Variants in PEX1 observed in about 807,000 individuals in gnomAD.
PEX1 encodes peroxisomal ATPase PEX1.
Under a neutral mutation model 152.5 loss-of-function variants are expected in PEX1, and 97 were observed. The ratio of observed to expected loss-of-function variants is 0.64; its 90% CI spans 0.54 to 0.75. PEX1 has a LOEUF of 0.75. PEX1 is among the 30% of genes least tolerant of loss of function. The pLI, the probability that PEX1 is intolerant of heterozygous loss-of-function variation, is 0.00. For synonymous variants in PEX1, 485 were observed against 531.6 expected, an observed-to-expected ratio of 0.91 and a Z score of 1.21; for missense variants, 1,357 against 1,516.3, an observed-to-expected ratio of 0.89 and a Z score of 1.74.
chr7:92,493,288 T>C, intron 19 of PEX1, 159 bp from the exon 20 acceptor site: 1 of 471,128 alleles, frequency 2.1e-6, no homozygotes, highest in Non-Finnish European at 3.6e-6. Flanking sequence ...TTTATCTTCC[T>C]TGGAATTTTT....
rs1554376597 is a variant in PEX1, at chr7:92,522,101, C to T, written c.273+1G>A. Reference sequence around the variant, plus strand: ...AAGTTATTGCCATCACATGTGCTTACCTGTCCCCCATTTGAGAGTCCAAGT... The same window carrying T: ...AAGTTATTGCCATCACATGTGCTTATCTGTCCCCCATTTGAGAGTCCAAGT... On this transcript the variant is annotated splice_donor_variant, in intron 2 of 23. Coordinates refer to ENST00000248633, the MANE Select transcript of PEX1 (RefSeq NM_000466.3). LOFTEE classifies it high-confidence loss of function. 3 of 1,613,812 alleles carry T rather than the reference C, an allele frequency of 1.9e-6. No individual in the cohort carries two copies. Among genetic ancestry groups the T allele is most frequent in the South Asian group, 1.1e-5 (1 of 91,072 alleles).
intron 12 of PEX1, among the ~76,000 whole-genome samples, chr7:92,503,982 A>G (rs1459526729): frequency 2.0e-5 from 3 of 151,948 alleles, no homozygotes; most frequent in Admixed American, 2.0e-4. Flanking sequence ...CCAACATATC[A>G]TTACTTCCTG....
At chr7:92,498,068 G>GGA (rs1554369529) in intron 16 of PEX1, among the ~76,000 whole-genome samples, 6 of 51,030 alleles carry the variant, frequency 1.2e-4, no homozygotes, top group Admixed American at 2.1e-4. Flanking sequence ...CAGTCTCAGA[G>GGA]AAAAAAAAAA....
intron 16 of PEX1, among the ~76,000 whole-genome samples, chr7:92,497,248 A>G (rs1263180139): frequency 6.6e-6 from 1 of 152,226 alleles, no homozygotes; most frequent in Admixed American, 6.5e-5. Context: ...CCCTTGTGCC[A>G]GAAACAGTGT....
intron 2 of PEX1, 134 bp downstream of exon 2, chr7:92,521,968 A>G (rs775439299): frequency 3.6e-6 from 3 of 830,482 alleles, no homozygotes; most frequent in Middle Eastern, 4.6e-4. Context: ...TCAATATCCT[A>G]GACTAGTTAC....
intron 5 of PEX1, among the ~76,000 whole-genome samples, chr7:92,516,408 A>T (rs1020218211): frequency 1.3e-5 from 2 of 152,124 alleles, no homozygotes; most frequent in Non-Finnish European, 2.9e-5. Context: ...CTTGGGCAAG[A>T]AGAGTGAAAC....
chr7:92,517,486 T>G lies in PEX1; in HGVS notation c.1029A>C (p.Gln343His). 1 of 1,614,056 alleles carries G rather than the reference T, an allele frequency of 6.2e-7. No homozygotes were observed. The highest frequency in any genetic ancestry group is 1.1e-5 in the South Asian group (1 of 91,080). Residue 343 changes from glutamine to histidine, a missense_variant, in exon 5 of 24, where the codon CAA (glutamine) becomes CAC (histidine). Transcript: ENST00000248633. ...GKLVKLLSPKQQQSKTKQNVL... is the reference protein window; with the variant it reads ...GKLVKLLSPKHQQSKTKQNVL... ...CATTTTGTTTTGTTTTACTTTGCTG[T>G]TGCTTTGGAGAAAGTAGCTTAACTA... is the stretch of plus-strand genomic sequence containing the variant.
In PEX1 at chr7:92,517,569, G is replaced by C. The variant is rs1309259761; in HGVS notation, c.946C>G (p.Pro316Ala). ...FHKHCAIHVF[P>A]WDQEYFDVEP... Reference sequence around the variant, plus strand: ...ACATCAAAATATTCCTGGTCCCATGGAAATACATGAATGGCACAGTGTTTA... The same window carrying C: ...ACATCAAAATATTCCTGGTCCCATGCAAATACATGAATGGCACAGTGTTTA... The change falls in exon 5 of 24, where the codon CCA becomes GCA. Residue 316 changes from proline to alanine, a missense_variant. Coordinates refer to ENST00000248633, the MANE Select transcript of PEX1 (RefSeq NM_000466.3). 2 of 1,613,908 alleles carry C rather than the reference G, an allele frequency of 1.2e-6. No individual in the cohort carries two copies. The highest frequency in any genetic ancestry group is 1.7e-5 in the Admixed American group (1 of 59,986).
chr7:92,487,393 C>A lies in PEX1; in HGVS notation c.*64G>T. The A allele has an allele frequency of 1.2e-6, 1 of 832,534 alleles. No homozygotes were observed. The highest frequency in any genetic ancestry group is 2.0e-6 in the Non-Finnish European group (1 of 502,850). 51.6% of individuals were successfully genotyped at this position (832,534 alleles called of 1,614,324 possible). On this transcript the variant is annotated 3_prime_UTR_variant, in exon 24 of 24. Transcript: ENST00000248633. ...GAAATTCATAGACACCATTTTTTTC[C>A]TGTTACAACATATGGAAAAGCCATC...
chr7:92,527,369 T>C (rs1436833724), intron 1 of PEX1, among the ~76,000 whole-genome samples: 3 of 151,920 alleles, frequency 2.0e-5, no homozygotes, highest in Admixed American at 2.0e-4. Flanking sequence ...TCTCTAGCCA[T>C]AAAGCCCATC....
chr7:92,513,238 A>G (rs1233811830), intron 6 of PEX1, among the ~76,000 whole-genome samples: 1 of 152,242 alleles, frequency 6.6e-6, no homozygotes, highest in Non-Finnish European at 1.5e-5. Context: ...GAGGAACTCA[A>G]ACAGATACTT....
intron 22 of PEX1, 65 bp downstream of exon 22, chr7:92,489,649 T>C: frequency 1.4e-6 from 2 of 1,420,672 alleles, no homozygotes; most frequent in Non-Finnish European, 2.0e-6. Flanking sequence ...AAGAAATATA[T>C]ATCAAAAGGG....
chr7:92,504,294 G>A (rs1792073433), intron 12 of PEX1, among the ~76,000 whole-genome samples: 1 of 151,896 alleles, frequency 6.6e-6, no homozygotes, highest in African/African-American at 2.4e-5. Context: ...TCTTCATGTA[G>A]AATACAAAGC....
At position 92,491,284 on chromosome 7, in the gene PEX1, G is replaced by C. The variant is rs143220470; in HGVS notation, c.3426C>G (p.Thr1142=). Reference sequence around the variant, plus strand: ...CTGCACAAGATACCAAATCAGAAGAGGTTCCATTTCCAAGTTCTGATTCAT... The same window carrying C: ...CTGCACAAGATACCAAATCAGAAGACGTTCCATTTCCAAGTTCTGATTCAT... ...SSYESELGNG[T]SSDLSSQCLS... is the part of the protein sequence containing the mutation. The change falls in exon 21 of 24, where the codon ACC becomes ACG. Residue 1142 remains threonine (T), a synonymous_variant. Transcript: ENST00000248633. The C allele has an allele frequency of 1.2e-6, 2 of 1,600,106 alleles. No individual in the cohort carries two copies. Among genetic ancestry groups the C allele is most frequent in the African/African-American group, 2.7e-5 (2 of 74,658 alleles).
chr7:92,502,047 T>C lies in PEX1; in HGVS notation c.2259A>G (p.Ile753Met). 6.2e-7 allele frequency: 1 copy of C among 1,611,662 alleles called. No homozygotes were observed. Among genetic ancestry groups the C allele is most frequent in the Non-Finnish European group, 8.5e-7 (1 of 1,177,942 alleles). The part of the protein sequence containing the change: ...EQRCEILCNV[I>M]KNKLDCDINK... ...TTATATCACAGTCCAATTTATTTTT[T>C]ATTACATTACACAGAATTTCACATC... The change falls in exon 14 of 24, where the codon ATA becomes ATG. Residue 753 changes from isoleucine to methionine, a missense_variant. Transcript: ENST00000248633.
At position 92,509,279 on chromosome 7, in the gene PEX1, T is replaced by C. The variant is rs1020412219; in HGVS notation, c.1670+50A>G. Reference sequence around the variant, plus strand: ...TATTTACATTGAAAACTCTGCCAGATATAGTGTTAAAAACATGTCTAACAT... The same window carrying C: ...TATTTACATTGAAAACTCTGCCAGACATAGTGTTAAAAACATGTCTAACAT... On this transcript the variant is annotated intron_variant, in intron 9 of 23. Coordinates refer to ENST00000248633, the MANE Select transcript of PEX1 (RefSeq NM_000466.3). 5.0e-6 allele frequency: 6 copies of C among 1,191,878 alleles called. No homozygotes were observed. In the Admixed American group the frequency reaches 8.4e-5, roughly 17 times the overall value. The allele number at this position is 1,191,878 out of a possible 1,614,324, so 73.8% of individuals were successfully genotyped here.
chr7:92,489,180 G>T, intron 23 of PEX1, 113 bp downstream of exon 23: 1 of 989,758 alleles, frequency 1.0e-6, no homozygotes, highest in Non-Finnish European at 1.5e-6. Context: ...TTTTGAATTA[G>T]CTTTTAAATA....
intron 16 of PEX1, among the ~76,000 whole-genome samples, chr7:92,498,227 G>A (rs1334964446): frequency 1.3e-5 from 2 of 152,042 alleles, no homozygotes; most frequent in Non-Finnish European, 2.9e-5. Context: ...AACTGAGCTG[G>A]GCACGGTAGC....
intron 9 of PEX1, 89 bp from the exon 10 acceptor site, chr7:92,507,215 G>A (rs1792237120): frequency 9.5e-7 from 1 of 1,052,430 alleles, no homozygotes; most frequent in Non-Finnish European, 1.4e-6. Context: ...CCTTCCCAGT[G>A]TAGTTAATTA....
Sources: allele counts gnomAD v4.1 joint callset (sites outside exome capture counted in the v4.1 genomes callset), GRCh38; gene constraint gnomAD v4.1.1; transcripts MANE v1.5; gene names NCBI Gene and HGNC (gene_info 2026-07-23, HGNC 2026-07-21).